The following IGSF5 variants were observed in gnomAD, a reference collection of about 807,000 sequenced individuals.
IGSF5 encodes immunoglobulin superfamily member 5, also known as immunoglobulin superfamily 5 like.
In IGSF5, 41 loss-of-function variants were observed where a neutral mutation model predicts 39.4. The observed-to-expected ratio is 1.04, with a 90% CI of 0.81 to 1.35. The LOEUF is 1.35. Ranked by LOEUF, IGSF5 falls within the 40% of genes most tolerant of loss-of-function variation. The pLI, the probability that IGSF5 is intolerant of heterozygous loss-of-function variation, is 0.00. For missense variants in IGSF5, 487 were observed against 494.6 expected (o/e 0.98, Z 0.15); for synonymous variants, 183 against 175.3 (o/e 1.04, Z -0.34).
chr21:39,794,186 A>G (rs2086981925), intron 8 of IGSF5, among the ~76,000 whole-genome samples: 1 of 152,210 alleles, frequency 6.6e-6, no homozygotes, highest in Non-Finnish European at 1.5e-5. Flanking sequence ...CTTGATGATT[A>G]AGGATTATGG....
chr21:39,746,753 G>T (rs2079977299), intron 2 of IGSF5, among the ~76,000 whole-genome samples: 1 of 152,170 alleles, frequency 6.6e-6, no homozygotes, highest in African/African-American at 2.4e-5. Flanking sequence ...TGGGGGCTCA[G>T]CACACTGTCA....
chr21:39,797,438 C>T (rs991700304), intron 8 of IGSF5, among the ~76,000 whole-genome samples: 15 of 152,032 alleles, frequency 9.9e-5, no homozygotes, highest in South Asian at 4.2e-4. Context: ...AGGCTGGGCT[C>T]GAACTCCTGA....
chr21:39,757,028 C>T (rs1251979780), intron 2 of IGSF5, among the ~76,000 whole-genome samples: 4 of 108,934 alleles, frequency 3.7e-5, no homozygotes, highest in Non-Finnish European at 6.4e-5. Flanking sequence ...GTTCATCAAG[C>T]ACAGCAGGCA....
At chr21:39,738,371 A>G in the IGSF5 span, among the ~76,000 whole-genome samples, 1 of 152,204 alleles carries the variant, frequency 6.6e-6, no homozygotes, top group African/African-American at 2.4e-5. This position sits in a 1 kb window ranked among gnomAD's most constrained non-coding sequence, Gnocchi z 6.4. Context: ...GCTTGATTCA[A>G]TTAGCTCCCT....
intron 3 of IGSF5, among the ~76,000 whole-genome samples, chr21:39,766,076 T>C (rs1168089388): frequency 6.6e-6 from 1 of 152,104 alleles, no homozygotes; most frequent in Non-Finnish European, 1.5e-5. Flanking sequence ...TCCCCCTCTC[T>C]TCCTTCCTGT....
upstream of IGSF5, among the ~76,000 whole-genome samples, chr21:39,744,980 T>A (rs984162286): frequency 6.6e-6 from 1 of 152,226 alleles, no homozygotes; most frequent in African/African-American, 2.4e-5. Flanking sequence ...TGGAGTGTTA[T>A]AGGTTCATAG....
At chr21:39,721,990 A>G in the IGSF5 span, among the ~76,000 whole-genome samples, 1 of 152,332 alleles carries the variant, frequency 6.6e-6, no homozygotes, top group Admixed American at 6.5e-5. Flanking sequence ...TCCTCAGTAC[A>G]GTTGTTGAGT....
At chr21:39,734,249 C>G in the IGSF5 span, among the ~76,000 whole-genome samples, 1 of 151,788 alleles carries the variant, frequency 6.6e-6, no homozygotes, top group African/African-American at 2.4e-5. Flanking sequence ...ATGGTGAAAC[C>G]CCATCTCTAC....
At chr21:39,750,494 C>G (rs2079999609) in intron 2 of IGSF5, among the ~76,000 whole-genome samples, 1 of 110,706 alleles carries the variant, frequency 9.0e-6, no homozygotes, top group Non-Finnish European at 1.8e-5. Context: ...GGTAACAGAG[C>G]AAGACACTGT....
In IGSF5 at chr21:39,801,432, C is replaced by A; in HGVS notation, c.*75C>A. 2 of 1,075,412 alleles carry A rather than the reference C, an allele frequency of 1.9e-6. No homozygotes were observed. Among genetic ancestry groups the A allele is most frequent in the Non-Finnish European group, 2.8e-6 (2 of 707,752 alleles). 66.6% of individuals were successfully genotyped at this position (1,075,412 alleles called of 1,614,324 possible). ...CGGCGATGGCATCCTTCCTTTCCAT[C>A]CTAAGACTGGCCTGCAGCTTTGCCA... On this transcript the variant is annotated 3_prime_UTR_variant, in exon 9 of 9. Coordinates refer to ENST00000380588, the MANE Select transcript of IGSF5 (RefSeq NM_001080444.2).
intron 1 of IGSF5, 21 bp downstream of exon 1, chr21:39,745,547 G>A (rs781004760): frequency 8.4e-6 from 6 of 716,734 alleles, no homozygotes; most frequent in Admixed American, 4.0e-5. Flanking sequence ...ATGCGTGGGC[G>A]ACTGTTGAGT....
At chr21:39,765,996 G>T in intron 3 of IGSF5, 144 bp downstream of exon 3, 1 of 756,946 alleles carries the variant, frequency 1.3e-6, no homozygotes, top group Non-Finnish European at 2.1e-6. Context: ...ACTGATGAAT[G>T]TTTTGCGATT....
At chr21:39,726,355 T>C in the IGSF5 span, among the ~76,000 whole-genome samples, 1 of 152,146 alleles carries the variant, frequency 6.6e-6, no homozygotes, top group Non-Finnish European at 1.5e-5. Flanking sequence ...GATTGGAAGA[T>C]TGGAGTCTAC....
intron 3 of IGSF5, among the ~76,000 whole-genome samples, chr21:39,767,253 T>A (rs2080091516): frequency 6.6e-6 from 1 of 152,206 alleles, no homozygotes; most frequent in Non-Finnish European, 1.5e-5. Flanking sequence ...TTCTTCATCT[T>A]TAACCTGGAG....
chr21:39,746,509 G>T (rs1279808503), intron 2 of IGSF5, among the ~76,000 whole-genome samples: 1 of 152,084 alleles, frequency 6.6e-6, no homozygotes, highest in Non-Finnish European at 1.5e-5. Context: ...CTTATTTTGG[G>T]GTGGCATATC....
At chr21:39,778,224 G>C (rs1360130070) in intron 4 of IGSF5, among the ~76,000 whole-genome samples, 1 of 152,178 alleles carries the variant, frequency 6.6e-6, no homozygotes, top group Non-Finnish European at 1.5e-5. Flanking sequence ...TTCTACATCT[G>C]TGGTGACTGA....
chr21:39,725,460 A>G, the IGSF5 span, among the ~76,000 whole-genome samples: 1 of 152,212 alleles, frequency 6.6e-6, no homozygotes, highest in Non-Finnish European at 1.5e-5. Context: ...AGCATTTGAA[A>G]GCAGCAGGGC....
chr21:39,753,914 G>C (rs2080017476), intron 2 of IGSF5, among the ~76,000 whole-genome samples: 1 of 71,940 alleles, frequency 1.4e-5, no homozygotes, highest in Admixed American at 1.8e-4. Context: ...TAGATATTTG[G>C]TTGGTGTTTT....
intron 6 of IGSF5, among the ~76,000 whole-genome samples, chr21:39,790,622 C>G (rs1234213167): frequency 1.3e-5 from 2 of 152,190 alleles, no homozygotes; most frequent in African/African-American, 4.8e-5. Context: ...CACACCACTG[C>G]ACTCCAACCT....
Sources: allele counts gnomAD v4.1 joint callset (sites outside exome capture counted in the v4.1 genomes callset), GRCh38; gene constraint gnomAD v4.1.1; non-coding constraint Gnocchi (gnomAD v3.1); transcripts MANE v1.5; gene names NCBI Gene and HGNC (gene_info 2026-07-23, HGNC 2026-07-21).